Variants in CHN1 observed in about 807,000 individuals in gnomAD.
CHN1 encodes N-chimaerin.
In CHN1, 37 loss-of-function variants were observed where a neutral mutation model predicts 59.5. That is an observed-to-expected ratio of 0.62 (90% CI 0.48 to 0.82). The LOEUF is 0.82. Among genes scored for constraint, CHN1 ranks in the 40% least tolerant of loss-of-function variants. CHN1 has a pLI of 0.00. For synonymous variants in CHN1, 206 were observed against 200.4 expected, an observed-to-expected ratio of 1.03 and a Z score of -0.24; for missense variants, 469 against 571.0, an observed-to-expected ratio of 0.82 and a Z score of 1.82.
intron 1 of CHN1, among the ~76,000 whole-genome samples, chr2:174,977,841 CA>C (rs1346843478): frequency 6.6e-6 from 1 of 152,104 alleles, no homozygotes; most frequent in East Asian, 1.9e-4. Flanking sequence ...AATTTATTAA[CA>C]TTAGTTCACT....
chr2:174,802,112 G>GT (rs752141899), intron 11 of CHN1: 71 of 298,684 alleles, frequency 2.4e-4, no homozygotes, highest in Middle Eastern at 1.2e-3. Flanking sequence ...AATACAGGAT[G>GT]TAACTACAAA....
intron 2 of CHN1, 74 bp from the exon 3 acceptor site, chr2:174,945,017 T>C: frequency 9.1e-7 from 1 of 1,099,332 alleles, no homozygotes; most frequent in Non-Finnish European, 1.3e-6. Context: ...AATAAAAACC[T>C]GGCTGCTTTT....
chr2:175,005,274 GCGGCGGCGA>G lies in CHN1; in HGVS notation c.-371_-363del. ...AGGCGGCGCCGCACTGGCGGCGGCG[GCGGCGGCGA>G]CGGGGAGAGCAGCAGCAGCCTCGCA... On this transcript the variant is annotated 5_prime_UTR_variant, in exon 1 of 13. Coordinates refer to ENST00000409900, the MANE Select transcript of CHN1 (RefSeq NM_001822.7). The G allele has an allele frequency of 8.6e-7, 1 of 1,169,310 alleles. No homozygotes were observed. Among genetic ancestry groups the G allele is most frequent in the Non-Finnish European group, 1.1e-6 (1 of 942,220 alleles). 72.4% of individuals were successfully genotyped at this position (1,169,310 alleles called of 1,614,324 possible). A position where few individuals can be genotyped will look rare whatever the true frequency, so the allele number is the denominator to read the frequency against.
intron 1 of CHN1, among the ~76,000 whole-genome samples, chr2:174,985,315 A>G (rs1214547052): frequency 6.6e-6 from 1 of 152,206 alleles, no homozygotes; most frequent in Non-Finnish European, 1.5e-5. Flanking sequence ...GTAAACATCT[A>G]AAGCAGTATT....
rs1449248022 is a variant in CHN1, at chr2:174,811,496, T to C, written c.964+15A>G. On this transcript the variant is annotated intron_variant, in intron 10 of 12. Coordinates refer to ENST00000409900, the MANE Select transcript of CHN1 (RefSeq NM_001822.7). Reference sequence around the variant, plus strand: ...TATTATTGTCCTAAGTTATGGAACATTGTGAAAAACATACCTCTGTCGAAA... The same window carrying C: ...TATTATTGTCCTAAGTTATGGAACACTGTGAAAAACATACCTCTGTCGAAA... 4 of 1,583,082 alleles carry C rather than the reference T, an allele frequency of 2.5e-6. No individual in the cohort carries two copies. Among genetic ancestry groups the C allele is most frequent in the Admixed American group, 3.4e-5 (2 of 59,026 alleles).
chr2:174,967,045 A>C (rs1690614241), intron 1 of CHN1, among the ~76,000 whole-genome samples: 1 of 152,182 alleles, frequency 6.6e-6, no homozygotes, highest in Admixed American at 6.6e-5. Flanking sequence ...ACTTCTCTGC[A>C]TCTCACGTCT....
At chr2:174,913,387 G>C (rs1418426537) in intron 5 of CHN1, among the ~76,000 whole-genome samples, 1 of 152,086 alleles carries the variant, frequency 6.6e-6, no homozygotes, top group East Asian at 1.9e-4. Flanking sequence ...TTGGAAATAA[G>C]GTGGTGAAGA....
intron 2 of CHN1, among the ~76,000 whole-genome samples, chr2:174,945,925 G>A (rs1024329572): frequency 1.1e-4 from 17 of 150,442 alleles, no homozygotes; most frequent in African/African-American, 4.2e-4. Context: ...GTGTGTGTGT[G>A]TGTGTGTATA....
intron 7 of CHN1, among the ~76,000 whole-genome samples, chr2:174,828,982 G>A (rs547057194): frequency 6.6e-6 from 1 of 152,290 alleles, no homozygotes; most frequent in Non-Finnish European, 1.5e-5. Context: ...AAGCAACCTT[G>A]TAAGTGGGCC....
Position 174,849,666 on chromosome 2 carries a change from G to A in CHN1, c.550-2709C>T, listed in dbSNP as rs577550570. Among the ~76,000 whole-genome samples, 5 of 152,096 alleles carry A rather than the reference G, an allele frequency of 3.3e-5. No homozygotes were observed. The South Asian group carries it at 1.0e-3, about 32-fold the overall frequency. ...TCATATATAGAATCTATTAATTACG[G>A]TTATCACTTATTAGTTATTGAGTAC... is the stretch of plus-strand genomic sequence containing the variant. On this transcript the variant is annotated intron_variant, in intron 6 of 12. Coordinates refer to ENST00000409900, the MANE Select transcript of CHN1 (RefSeq NM_001822.7).
intron 6 of CHN1, chr2:174,847,261 C>T (rs1403308548): frequency 7.9e-6 from 11 of 1,387,656 alleles, no homozygotes; most frequent in East Asian, 7.7e-5. Context: ...AGAAACACCA[C>T]GGAGAGGTGG....
At chr2:174,974,898 TACACACAC>T (rs373940330) in intron 1 of CHN1, among the ~76,000 whole-genome samples, 5,503 of 144,324 alleles carry the variant, frequency 0.038, 150 homozygotes, top group Non-Finnish European at 0.057. Context: ...AAATAATTAA[TACACACAC>T]ACACACACAC....
At chr2:174,843,462 C>T (rs1358860014) in intron 7 of CHN1, among the ~76,000 whole-genome samples, 1 of 152,102 alleles carries the variant, frequency 6.6e-6, no homozygotes, top group African/African-American at 2.4e-5. Flanking sequence ...TGTTCTCAAT[C>T]TCCTGACCTT....
chr2:174,845,847 A>G (rs536371396), intron 7 of CHN1, among the ~76,000 whole-genome samples: 1 of 151,980 alleles, frequency 6.6e-6, no homozygotes, highest in African/African-American at 2.4e-5. Context: ...ATCAGAATAA[A>G]TTGCAAATGT....
chr2:174,897,399 C>T (rs745816008), intron 5 of CHN1, among the ~76,000 whole-genome samples: 1 of 151,306 alleles, frequency 6.6e-6, no homozygotes, highest in Non-Finnish European at 1.5e-5. Context: ...GAATTATCAA[C>T]AGATAAAATA....
At chr2:174,878,359 CATAGAA>C (rs1446943166) in intron 5 of CHN1, among the ~76,000 whole-genome samples, 1 of 152,132 alleles carries the variant, frequency 6.6e-6, no homozygotes, top group Non-Finnish European at 1.5e-5. Flanking sequence ...GCATGCCTAC[CATAGAA>C]ATAATTTTTT....
chr2:174,847,984 G>T (rs1686593384), intron 6 of CHN1, among the ~76,000 whole-genome samples: 1 of 152,048 alleles, frequency 6.6e-6, no homozygotes, highest in African/African-American at 2.4e-5. Flanking sequence ...ATGGACTGAG[G>T]TTAGCTAACC....
rs149952097 is a variant in CHN1, at chr2:174,824,614, C to CTATATA, written c.628-102_628-97dup. 9.4e-3 allele frequency: 4,211 copies of CTATATA among 449,628 alleles called. 10 individuals carry two copies. Among genetic ancestry groups the CTATATA allele is most frequent in the Admixed American group, 0.014 (368 of 27,102 alleles). 27.9% of individuals were successfully genotyped at this position (449,628 alleles called of 1,614,324 possible). A position where few individuals can be genotyped will look rare whatever the true frequency, so the allele number is the denominator to read the frequency against. ...AGCACTAATATACAAGCCACATATT[C>CTATATA]TATATATATATATATATGAGAGAAA... On this transcript the variant is annotated intron_variant, in intron 7 of 12. Coordinates refer to ENST00000409900, the MANE Select transcript of CHN1 (RefSeq NM_001822.7).
intron 8 of CHN1, among the ~76,000 whole-genome samples, chr2:174,815,194 T>G (rs1045214100): frequency 6.6e-6 from 1 of 152,060 alleles, no homozygotes; most frequent in African/African-American, 2.4e-5. Flanking sequence ...CTAGGCAACA[T>G]AGTGAGACCC....
Sources: gnomAD v4.1 joint callset for allele counts (sites outside exome capture counted in the v4.1 genomes callset) on GRCh38, gnomAD v4.1.1 for gene constraint, MANE v1.5 for transcripts, NCBI Gene and HGNC (gene_info 2026-07-23, HGNC 2026-07-21) for gene names.